DYRK4: variants seen among roughly 807,000 people sequenced by gnomAD.
DYRK4 encodes dual specificity tyrosine-phosphorylation-regulated kinase 4.
Under a neutral mutation model 68.3 loss-of-function variants are expected in DYRK4, and 64 were observed. The ratio of observed to expected loss-of-function variants is 0.94; its 90% confidence interval spans 0.77 to 1.15. DYRK4 has a LOEUF of 1.15. Among genes scored for constraint, DYRK4 ranks in the 50% most tolerant of loss-of-function variants. DYRK4 has a pLI of 0.00. For synonymous variants in DYRK4, 274 were observed against 289.9 expected (o/e 0.95, Z 0.56); for missense variants, 740 against 764.7 (o/e 0.97, Z 0.38).
chr12:4,584,369 AAGCAGGAGGC>A (rs1944873323), intron 2 of DYRK4, among the ~76,000 whole-genome samples: 1 of 152,110 alleles, frequency 6.6e-6, no homozygotes, highest in Non-Finnish European at 1.5e-5. Context: ...CGGCTTGCGG[AAGCAGGAGGC>A]AGGTGTTGCC....
At chr12:4,579,398 G>A (rs999014346) in intron 2 of DYRK4, among the ~76,000 whole-genome samples, 1 of 152,192 alleles carries the variant, frequency 6.6e-6, no homozygotes, top group African/African-American at 2.4e-5. Context: ...AGTTCTCTGA[G>A]AGTCTAGACA....
intron 12 of DYRK4, among the ~76,000 whole-genome samples, chr12:4,609,012 A>G (rs1945187139): frequency 6.6e-6 from 1 of 152,226 alleles, no homozygotes; most frequent in Non-Finnish European, 1.5e-5. Flanking sequence ...GTGGGAAGAC[A>G]TATCTTGAGC....
chr12:4,589,096 G>A, intron 3 of DYRK4, 79 bp downstream of exon 3: 1 of 1,328,392 alleles, frequency 7.5e-7, no homozygotes, highest in Non-Finnish European at 1.0e-6. Context: ...TGAACAGACA[G>A]TTTTGGCCAA....
At chr12:4,607,188 G>A (rs1945162485) in intron 11 of DYRK4, 139 bp from the exon 12 acceptor site, 1 of 892,296 alleles carries the variant, frequency 1.1e-6, no homozygotes, top group South Asian at 1.6e-5. Context: ...GGTTTGCTCT[G>A]CTACTGACCA....
chr12:4,574,806 C>A (rs1036639924), intron 2 of DYRK4, among the ~76,000 whole-genome samples: 1 of 152,202 alleles, frequency 6.6e-6, no homozygotes. Flanking sequence ...CAGCCTCCGC[C>A]TCCCCAGTTC....
At chr12:4,601,876 TTGTG>T (rs58259135) in intron 10 of DYRK4, 61,158 of 157,444 alleles carry the variant, frequency 0.39, 12,847 homozygotes, top group Non-Finnish European at 0.49. Context: ...TCTGTAGGGT[TTGTG>T]TGTGTGTGTG....
At chr12:4,610,558 C>T in intron 13 of DYRK4, 1 of 249,910 alleles carries the variant, frequency 4.0e-6, no homozygotes, top group African/African-American at 2.2e-5. Context: ...CTGGAATACA[C>T]AGCGTATGGT....
chr12:4,583,506 C>T lies in DYRK4; in HGVS notation c.133-5431C>T, dbSNP rs113284116. On this transcript the variant is annotated intron_variant, in intron 2 of 14. Transcript: ENST00000543431. ...GCCACTCGCTACCCCGTGCTCTGTACTTCAGTCACAGCACCTTTGCTGAGA... is the reference window on the plus strand; with the variant it reads ...GCCACTCGCTACCCCGTGCTCTGTATTTCAGTCACAGCACCTTTGCTGAGA... Among the ~76,000 whole-genome samples, 440 of 152,138 alleles carry T rather than the reference C, an allele frequency of 2.9e-3. 3 individuals carry two copies. The highest frequency in any genetic ancestry group is 9.9e-3 in the African/African-American group (411 of 41,520).
Position 4,599,137 on chromosome 12 carries a change from G to C in DYRK4, c.1015G>C (p.Glu339Gln). The change falls in exon 9 of 15, where the codon GAG (glutamate) becomes CAG (glutamine). Residue 339 changes from glutamate (E) to glutamine (Q), a missense_variant. By Grantham distance (29) the Glu-to-Gln change is conservative. Coordinates refer to ENST00000543431, the MANE Select transcript of DYRK4 (RefSeq NM_001394779.1). Reference protein sequence around the residue: ...VLKCLQMLSVEKIIHCDLKPE... With the variant: ...VLKCLQMLSVQKIIHCDLKPE... Reference sequence around the variant, plus strand: ...GAAGTGCTTGCAGATGCTTTCGGTAGAGAAAATCATTCACTGTGATCTCAA... The same window carrying C: ...GAAGTGCTTGCAGATGCTTTCGGTACAGAAAATCATTCACTGTGATCTCAA... 1 of 1,614,130 alleles carries C rather than the reference G, an allele frequency of 6.2e-7. No individual in the cohort carries two copies. The highest frequency in any genetic ancestry group is 1.1e-5 in the South Asian group (1 of 91,078).
Position 4,591,422 on chromosome 12 carries a change from C to A in DYRK4, c.463+124C>A. 2 of 1,353,542 alleles carry A rather than the reference C, an allele frequency of 1.5e-6. No individual in the cohort carries two copies. Among genetic ancestry groups the A allele is most frequent in the South Asian group, 1.5e-5 (1 of 65,160 alleles). 83.8% of individuals were successfully genotyped at this position (1,353,542 alleles called of 1,614,324 possible). A position where few individuals can be genotyped will look rare whatever the true frequency, so the allele number is the denominator to read the frequency against. On this transcript the variant is annotated intron_variant, in intron 5 of 14. Transcript: ENST00000543431. This position sits in a 1 kb window ranked among gnomAD's most constrained non-coding sequence, Gnocchi z 4.1. The stretch of plus-strand genomic sequence containing the variant: ...AGAGTAGTCAAAGAAGGCAGCCAGC[C>A]AAGAGGAAAGTAGAAGTTAAGCGTT...
intron 2 of DYRK4, chr12:4,580,711 AT>A: frequency 2.4e-6 from 1 of 411,642 alleles, no homozygotes; most frequent in Non-Finnish European, 4.8e-6. Flanking sequence ...CTGGGAAGGG[AT>A]GACAGAGCCT....
At chr12:4,574,042 G>A (rs1457167671) in intron 2 of DYRK4, among the ~76,000 whole-genome samples, 3 of 151,850 alleles carry the variant, frequency 2.0e-5, no homozygotes, top group Non-Finnish European at 4.4e-5. Flanking sequence ...TGGCTAACAC[G>A]GTGAAACCGC....
intron 1 of DYRK4, among the ~76,000 whole-genome samples, chr12:4,565,275 A>G (rs1944665239): frequency 6.6e-6 from 1 of 152,238 alleles, no homozygotes; most frequent in African/African-American, 2.4e-5. Context: ...AAGGCACAAA[A>G]TAGTCTTTAA....
intron 2 of DYRK4, among the ~76,000 whole-genome samples, chr12:4,574,243 A>G (rs28698988): frequency 0.44 from 64,459 of 146,044 alleles, 15,019 homozygotes; most frequent in Middle Eastern, 0.5. Flanking sequence ...AAAAAAAAAA[A>G]AAAAGGAAAG....
chr12:4,598,277 A>G (rs1343339312), intron 8 of DYRK4, among the ~76,000 whole-genome samples: 3 of 152,196 alleles, frequency 2.0e-5, no homozygotes, highest in Non-Finnish European at 4.4e-5. Context: ...GAAATGGAAG[A>G]TGAGGAGGAA....
At chr12:4,567,915 ACTC>A in intron 1 of DYRK4, 37 bp from the exon 2 acceptor site, 1 of 1,502,616 alleles carries the variant, frequency 6.7e-7, no homozygotes, top group Non-Finnish European at 9.0e-7. Context: ...CTTAGATTTG[ACTC>A]CTCCTGCCAA....
chr12:4,586,721 CACACACACACAG>C (rs1333716326), intron 2 of DYRK4, among the ~76,000 whole-genome samples: 1 of 117,050 alleles, frequency 8.5e-6, no homozygotes, highest in African/African-American at 2.9e-5. Flanking sequence ...CACACACACA[CACACACACACAG>C]ACACACACAC....
At chr12:4,604,194 C>G (rs1371670973) in intron 10 of DYRK4, among the ~76,000 whole-genome samples, 3 of 152,196 alleles carry the variant, frequency 2.0e-5, no homozygotes, top group Admixed American at 2.0e-4. Context: ...CTAAAATACT[C>G]TGTGCATGTG....
chr12:4,603,481 T>C (rs1450230390), intron 10 of DYRK4: 1 of 285,392 alleles, frequency 3.5e-6, no homozygotes, highest in East Asian at 6.4e-5. Flanking sequence ...TCTCCCTCTG[T>C]TTCCCTCCTG....
Sources: allele counts gnomAD v4.1 joint callset (sites outside exome capture counted in the v4.1 genomes callset), GRCh38; gene constraint gnomAD v4.1.1; non-coding constraint Gnocchi (gnomAD v3.1); transcripts MANE v1.5; gene names NCBI Gene and HGNC (gene_info 2026-07-23, HGNC 2026-07-21).